Variants in RPN2 observed in about 807,000 individuals in gnomAD.
The protein encoded by RPN2 is dolichyl-diphosphooligosaccharide--protein glycosyltransferase subunit 2.
Under a neutral mutation model 71.4 loss-of-function variants are expected in RPN2, and 29 were observed. The observed-to-expected ratio is 0.41, with a 90% CI of 0.30 to 0.55. The LOEUF (loss-of-function observed/expected upper bound fraction) is 0.55, where lower values mean the gene tolerates loss of function less well. Among genes scored for constraint, RPN2 ranks in the 20% least tolerant of loss-of-function variants. The pLI is 0.35. For synonymous variants in RPN2, 308 were observed against 305.0 expected (o/e 1.01, Z -0.10); for missense variants, 726 against 774.1 (o/e 0.94, Z 0.74).
At chr20:37,225,161 A>G (rs1055552951) in intron 10 of RPN2, among the ~76,000 whole-genome samples, 1 of 152,198 alleles carries the variant, frequency 6.6e-6, no homozygotes, top group Non-Finnish European at 1.5e-5. Flanking sequence ...TTTAAAACCC[A>G]GTTTCAGGGC....
intron 8 of RPN2, among the ~76,000 whole-genome samples, chr20:37,212,644 A>AT (rs1471980315): frequency 7.3e-5 from 11 of 151,694 alleles, no homozygotes; most frequent in South Asian, 6.2e-4. Context: ...TGCCCAGCTA[A>AT]TTTTTTTTGT....
At chr20:37,183,674 T>C (rs1240038839) in intron 1 of RPN2, among the ~76,000 whole-genome samples, 1 of 152,198 alleles carries the variant, frequency 6.6e-6, no homozygotes, top group Non-Finnish European at 1.5e-5. Flanking sequence ...ATTATTGTAC[T>C]GGGGAACTAA....
chr20:37,185,578 A>C (rs539567756), intron 2 of RPN2, among the ~76,000 whole-genome samples: 106 of 152,304 alleles, frequency 7.0e-4, no homozygotes, highest in African/African-American at 2.5e-3. Flanking sequence ...GTAGGGGCTT[A>C]AAACACCACC....
At chr20:37,240,063 G>A (rs1411154887) in intron 16 of RPN2, among the ~76,000 whole-genome samples, 1 of 152,134 alleles carries the variant, frequency 6.6e-6, no homozygotes, top group Non-Finnish European at 1.5e-5. Context: ...TCAGTCTCTT[G>A]AGTTTTAAAG....
intron 1 of RPN2, among the ~76,000 whole-genome samples, chr20:37,181,226 TAAA>T (rs1156816187): frequency 1.5e-5 from 2 of 137,052 alleles, no homozygotes; most frequent in African/African-American, 2.7e-5. Context: ...AGACTCTGTC[TAAA>T]AAAAAAAAAA....
At chr20:37,184,500 A>G (rs1231176077) in intron 2 of RPN2, 127 bp downstream of exon 2, 2 of 920,714 alleles carry the variant, frequency 2.2e-6, no homozygotes, top group African/African-American at 1.6e-5. Flanking sequence ...AATCCAATAT[A>G]AGAAATATTT....
At chr20:37,210,235 A>G in intron 8 of RPN2, 70 bp downstream of exon 8, 2 of 1,604,624 alleles carry the variant, frequency 1.2e-6, no homozygotes, top group Non-Finnish European at 1.7e-6. Flanking sequence ...CAGCCAGTGT[A>G]ACAGATTAAT....
At chr20:37,232,416 C>T in intron 14 of RPN2, 25 bp downstream of exon 14, 1 of 1,613,272 alleles carries the variant, frequency 6.2e-7, no homozygotes, top group Non-Finnish European at 8.5e-7. Flanking sequence ...TTAGCGTGGG[C>T]AGCATGCGTC....
At chr20:37,235,075 C>T (rs1056353543) in intron 15 of RPN2, among the ~76,000 whole-genome samples, 2 of 152,154 alleles carry the variant, frequency 1.3e-5, no homozygotes, top group Admixed American at 1.3e-4. Context: ...AGATAAGTCT[C>T]TTGAAATTCT....
intron 14 of RPN2, 115 bp from the exon 15 acceptor site, chr20:37,233,905 G>T: frequency 9.0e-7 from 1 of 1,117,200 alleles, no homozygotes. Context: ...TGTCCTTCTA[G>T]GATGCATGAA....
At chr20:37,217,171 A>C (rs886455775) in intron 9 of RPN2, among the ~76,000 whole-genome samples, 13 of 151,584 alleles carry the variant, frequency 8.6e-5, no homozygotes, top group Non-Finnish European at 1.5e-4. Flanking sequence ...GGCTCAAGCG[A>C]TCTGCCCACC....
In RPN2 at chr20:37,213,810, A is replaced by T. The variant is rs2067737648; in HGVS notation, c.1037A>T (p.Tyr346Phe). The T allele has an allele frequency of 1.2e-6, 2 of 1,614,042 alleles. No homozygotes were observed. The highest frequency in any genetic ancestry group is 2.7e-5 in the African/African-American group (2 of 74,940). The change falls in exon 9 of 17, where the codon TAT becomes TTT. Residue 346 changes from tyrosine (Y) to phenylalanine (F), a missense_variant. Tyr to Phe is a conservative substitution (Grantham distance 22). Transcript: ENST00000237530. ...FMNVKFSSGY[Y>F]DFLVEVEGDN... ...AACGTCAAATTTTCCAGTGGTTATT[A>T]TGACTTCCTTGTCGAAGTTGAAGGT...
Position 37,185,617 on chromosome 20 carries a change from CTTTAT to C in RPN2, c.207+1257_207+1261del, listed in dbSNP as rs939640001. On this transcript the variant is annotated intron_variant, in intron 2 of 16. Coordinates refer to ENST00000237530, the MANE Select transcript of RPN2 (RefSeq NM_002951.5). ...TTATTGGCTTATATGGCTTATAGTT[CTTTAT>C]TTTATTTTATTTAAGAGAGGGTCTC... is the stretch of plus-strand genomic sequence containing the variant. Among the ~76,000 whole-genome samples, 4 of 151,830 alleles carry C rather than the reference CTTTAT, an allele frequency of 2.6e-5. No homozygotes were observed. The South Asian group carries it at 6.2e-4, about 24-fold the overall frequency.
At chr20:37,182,023 T>C (rs1171116231) in intron 1 of RPN2, among the ~76,000 whole-genome samples, 2 of 152,166 alleles carry the variant, frequency 1.3e-5, no homozygotes, top group African/African-American at 4.8e-5. Flanking sequence ...GTGTGGCACA[T>C]AGTAGCTCAG....
At position 37,184,291 on chromosome 20, in the gene RPN2, A is replaced by G. The variant is rs2066955851; in HGVS notation, c.125A>G (p.Asp42Gly). The change falls in exon 2 of 17, where the codon GAT becomes GGT. Residue 42 changes from aspartate (D) to glycine (G), a missense_variant. Physicochemically the swap from Asp to Gly is moderately conservative, Grantham distance 94. Coordinates refer to ENST00000237530, the MANE Select transcript of RPN2 (RefSeq NM_002951.5). ...GTGGAGAGACTAAAAGCCTCGCTGGATCGCCCTTTCACAAATTTGGAATCT... is the reference window on the plus strand; with the variant it reads ...GTGGAGAGACTAAAAGCCTCGCTGGGTCGCCCTTTCACAAATTTGGAATCT... The part of the protein sequence containing the change: ...HDVERLKASL[D>G]RPFTNLESAF... 3.7e-6 allele frequency: 6 copies of G among 1,614,170 alleles called. No individual in the cohort carries two copies. The South Asian group carries it at 4.4e-5, about 12-fold the overall frequency.
chr20:37,179,449 CG>C (rs1355450903), intron 1 of RPN2, 80 bp downstream of exon 1: 1 of 1,395,248 alleles, frequency 7.2e-7, no homozygotes, highest in African/African-American at 1.5e-5. Context: ...GCCGGCCAGG[CG>C]GGATCCCCTT....
intron 9 of RPN2, among the ~76,000 whole-genome samples, chr20:37,215,385 C>G (rs1176869533): frequency 6.6e-6 from 1 of 152,238 alleles, no homozygotes; most frequent in Non-Finnish European, 1.5e-5. Flanking sequence ...TAGCATGAGA[C>G]ATCTGATCTT....
At chr20:37,232,480 C>T in intron 14 of RPN2, 89 bp downstream of exon 14, 6 of 1,470,956 alleles carry the variant, frequency 4.1e-6, no homozygotes, top group Non-Finnish European at 5.7e-6. Flanking sequence ...GTTGTCTGGC[C>T]TCAGTAAAGC....
chr20:37,191,376 C>T (rs926986801), intron 2 of RPN2, among the ~76,000 whole-genome samples: 9 of 147,602 alleles, frequency 6.1e-5, no homozygotes, highest in African/African-American at 2.0e-4. Flanking sequence ...CTCGGGAGGC[C>T]GAGGCAGGAG....
Sources: gnomAD v4.1 joint callset for allele counts (sites outside exome capture counted in the v4.1 genomes callset) on GRCh38, gnomAD v4.1.1 for gene constraint, MANE v1.5 for transcripts, NCBI Gene and HGNC (gene_info 2026-07-23, HGNC 2026-07-21) for gene names.